Variants in VPS37A observed in about 807,000 individuals in gnomAD.
VPS37A encodes the protein vacuolar protein sorting-associated protein 37A.
In VPS37A, 30 loss-of-function variants were observed where a neutral mutation model predicts 49.8. The ratio of observed to expected loss-of-function variants is 0.60; its 90% CI spans 0.45 to 0.82. The LOEUF (loss-of-function observed/expected upper bound fraction) is 0.82. Ranked by LOEUF, VPS37A falls within the 40% of genes least tolerant of loss-of-function variation. The probability of loss-of-function intolerance (pLI) is 0.00; values close to 1 mark genes in which losing one functional copy is unlikely to be tolerated. For synonymous variants in VPS37A, 195 were observed against 160.6 expected (o/e 1.21, Z -1.62); for missense variants, 593 against 464.4 (o/e 1.28, Z -2.55).
the VPS37A span, among the ~76,000 whole-genome samples, chr8:17,316,711 G>A: frequency 6.6e-6 from 1 of 152,196 alleles, no homozygotes; most frequent in Admixed American, 6.5e-5. Flanking sequence ...CCAGTGTAAC[G>A]ACTATTTACA....
chr8:17,293,031 A>G (rs1816289341), intron 11 of VPS37A, among the ~76,000 whole-genome samples: 1 of 152,132 alleles, frequency 6.6e-6, no homozygotes. Context: ...TCTCCTGGAT[A>G]TCCTGAAGTG....
chr8:17,255,326 T>C (rs1421031508), intron 1 of VPS37A, among the ~76,000 whole-genome samples: 1 of 151,718 alleles, frequency 6.6e-6, no homozygotes, highest in Non-Finnish European at 1.5e-5. Context: ...ACTAAAAATA[T>C]AAATATTAGC....
At chr8:17,277,624 G>C (rs1476889139) in intron 6 of VPS37A, among the ~76,000 whole-genome samples, 1 of 151,632 alleles carries the variant, frequency 6.6e-6, no homozygotes, top group Non-Finnish European at 1.5e-5. Context: ...TTTTCTACCA[G>C]GTAAGGATTT....
At chr8:17,248,010 G>T (rs1043888562) in intron 1 of VPS37A, 10 of 523,220 alleles carry the variant, frequency 1.9e-5, no homozygotes, top group Non-Finnish European at 2.7e-5. Context: ...CATCTTGATT[G>T]TTCTGTTGTC....
At chr8:17,331,058 T>A in the VPS37A span, 1 of 1,464,122 alleles carries the variant, frequency 6.8e-7, no homozygotes, top group East Asian at 2.4e-5. Flanking sequence ...CACACCTATG[T>A]AAAAACATTT....
At chr8:17,250,768 C>CA (rs781203223) in intron 1 of VPS37A, among the ~76,000 whole-genome samples, 73 of 151,506 alleles carry the variant, frequency 4.8e-4, no homozygotes, top group Non-Finnish European at 6.9e-4. Flanking sequence ...CAGTCTTCTA[C>CA]AAAAAAAATA....
At chr8:17,259,722 T>G (rs1259359772) in intron 1 of VPS37A, among the ~76,000 whole-genome samples, 2 of 152,094 alleles carry the variant, frequency 1.3e-5, no homozygotes, top group African/African-American at 2.4e-5. Flanking sequence ...TTAGGTTCAT[T>G]AATGTTTGCT....
At chr8:17,313,891 A>T in the VPS37A span, among the ~76,000 whole-genome samples, 1 of 152,226 alleles carries the variant, frequency 6.6e-6, no homozygotes, top group Non-Finnish European at 1.5e-5. Flanking sequence ...TCTTAAATGA[A>T]AATGATCAAA....
chr8:17,327,075 A>C, the VPS37A span, among the ~76,000 whole-genome samples: 6 of 152,130 alleles, frequency 3.9e-5, no homozygotes, highest in Non-Finnish European at 7.4e-5. Context: ...TTACGACCTG[A>C]ATTTTTTGCT....
chr8:17,301,761 G>A (rs1352772462), downstream of VPS37A: 5 of 214,464 alleles, frequency 2.3e-5, no homozygotes, highest in Non-Finnish European at 4.5e-5. Flanking sequence ...ACCAATTATA[G>A]ATTAATATCA....
chr8:17,298,328 A>T (rs558433574), downstream of VPS37A: 1 of 152,244 alleles, frequency 6.6e-6, no homozygotes, highest in East Asian at 1.9e-4. Context: ...TTATATTCTG[A>T]AAGAATTAAT....
At chr8:17,318,124 C>G in the VPS37A span, among the ~76,000 whole-genome samples, 2 of 152,054 alleles carry the variant, frequency 1.3e-5, no homozygotes, top group African/African-American at 4.8e-5. Context: ...CTGCCTGGAC[C>G]CTGCATGAGG....
At chr8:17,251,752 A>G (rs1235571549) in intron 1 of VPS37A, among the ~76,000 whole-genome samples, 1 of 152,246 alleles carries the variant, frequency 6.6e-6, no homozygotes, top group Admixed American at 6.5e-5. Flanking sequence ...CTATCTTTAA[A>G]ATAGTAGTGC....
chr8:17,328,239 C>G, the VPS37A span, among the ~76,000 whole-genome samples: 2 of 152,200 alleles, frequency 1.3e-5, no homozygotes, highest in Non-Finnish European at 2.9e-5. Context: ...GAAGGGTGTC[C>G]CAGTGGGGCA....
chr8:17,266,097 A>G (rs1813421570), intron 2 of VPS37A, 116 bp downstream of exon 2: 1 of 854,384 alleles, frequency 1.2e-6, no homozygotes, highest in African/African-American at 1.7e-5. Flanking sequence ...ACTATAATTT[A>G]TAAAATAGTG....
Position 17,274,158 on chromosome 8 carries a change from T to C in VPS37A, c.417-575T>C, listed in dbSNP as rs75596251. On this transcript the variant is annotated intron_variant, in intron 4 of 11. Transcript: ENST00000324849. ...AAAATAAATACTGACTATATTGTTC[T>C]GTGATTGAATCCAAAGTACATAATG... is the stretch of plus-strand genomic sequence containing the variant. 3.7e-4 allele frequency among the ~76,000 whole-genome samples: 57 copies of C among 152,368 alleles called. No homozygotes were observed. The East Asian group carries it at 9.8e-3, about 26-fold the overall frequency.
chr8:17,300,594 C>G (rs1239715826), downstream of VPS37A, among the ~76,000 whole-genome samples: 3 of 152,174 alleles, frequency 2.0e-5, no homozygotes, highest in Non-Finnish European at 4.4e-5. Context: ...TGTTTATCAT[C>G]TAACTTTTAT....
At chr8:17,260,265 CAT>C (rs1338506165) in intron 1 of VPS37A, among the ~76,000 whole-genome samples, 6 of 152,098 alleles carry the variant, frequency 3.9e-5, no homozygotes, top group South Asian at 4.1e-4. Flanking sequence ...TTACAAAAAA[CAT>C]ATATGTAATA....
chr8:17,256,290 ATTTTT>A (rs529736602), intron 1 of VPS37A, among the ~76,000 whole-genome samples: 2 of 60,388 alleles, frequency 3.3e-5, no homozygotes, highest in African/African-American at 1.5e-4. Context: ...GGGTAAAATG[ATTTTT>A]TTTTTTTTTT....
Sources: gnomAD v4.1 joint callset for allele counts (sites outside exome capture counted in the v4.1 genomes callset) on GRCh38, gnomAD v4.1.1 for gene constraint, MANE v1.5 for transcripts, NCBI Gene and HGNC (gene_info 2026-07-23, HGNC 2026-07-21) for gene names.